Variants in KIF9 observed in about 807,000 individuals in gnomAD.
KIF9 encodes kinesin-like protein KIF9.
KIF9 carries 68 observed loss-of-function variants against 94.8 expected under a neutral mutation model. The observed-to-expected ratio is 0.72, with a 90% CI of 0.59 to 0.88. The LOEUF (loss-of-function observed/expected upper bound fraction) is 0.88, where lower values mean the gene tolerates loss of function less well. Ranked by LOEUF, KIF9 falls within the 40% of genes least tolerant of loss-of-function variation. The pLI is 0.00. For missense variants in KIF9, 882 were observed against 982.5 expected, an observed-to-expected ratio of 0.90 and a Z score of 1.37; for synonymous variants, 343 against 362.1, an observed-to-expected ratio of 0.95 and a Z score of 0.60.
At chr3:47,236,185 C>T (rs141894213) in intron 18 of KIF9, 36 bp from the exon 19 acceptor site, 449 of 1,466,714 alleles carry the variant, frequency 3.1e-4, no homozygotes, top group Non-Finnish European at 3.9e-4. Context: ...TTGAGGAAGC[C>T]GGTAAGGGCT....
At chr3:47,235,159 C>T (rs1171282931) in intron 20 of KIF9, among the ~76,000 whole-genome samples, 2 of 152,212 alleles carry the variant, frequency 1.3e-5, no homozygotes, top group Non-Finnish European at 2.9e-5. Context: ...TCTAGCTATG[C>T]CTCAGCTGCA....
At chr3:47,263,521 A>G in intron 9 of KIF9, 1 of 198,396 alleles carries the variant, frequency 5.0e-6, no homozygotes, top group Non-Finnish European at 1.0e-5. Context: ...CTTCTTGCTG[A>G]GAGCCCCCAC....
At chr3:47,246,117 C>G (rs1559434688) in intron 13 of KIF9, 80 bp downstream of exon 13, 4 of 1,313,946 alleles carry the variant, frequency 3.0e-6, no homozygotes, top group African/African-American at 1.4e-5. Flanking sequence ...AAGAGGAGCT[C>G]TTGGAGGCAA....
chr3:47,282,142 G>GT, intron 1 of KIF9: 1 of 970,686 alleles, frequency 1.0e-6, no homozygotes, highest in Non-Finnish European at 1.2e-6. Context: ...TTCCTCACCT[G>GT]TAACACGAAG....
chr3:47,256,458 G>A (rs1296365451), intron 10 of KIF9, among the ~76,000 whole-genome samples: 5 of 151,766 alleles, frequency 3.3e-5, no homozygotes, highest in South Asian at 2.1e-4. Flanking sequence ...CAGCCACCCC[G>A]TCCGGGAGGG....
At chr3:47,275,622 G>A (rs140207453) in intron 2 of KIF9, 132 bp from the exon 3 acceptor site, 158 of 659,246 alleles carry the variant, frequency 2.4e-4, no homozygotes, top group African/African-American at 1.4e-3. Flanking sequence ...GGACTCCCAC[G>A]TAGGGGCTGA....
chr3:47,265,259 T>C (rs1352988283), intron 8 of KIF9, among the ~76,000 whole-genome samples: 1 of 152,144 alleles, frequency 6.6e-6, no homozygotes, highest in African/African-American at 2.4e-5. Context: ...AGGTATGAGT[T>C]GGAGCTTTGC....
intron 5 of KIF9, among the ~76,000 whole-genome samples, chr3:47,270,419 T>C (rs1477851655): frequency 6.6e-6 from 1 of 151,102 alleles, no homozygotes; most frequent in Non-Finnish European, 1.5e-5. Flanking sequence ...ACACCCAGCT[T>C]ATTTTTTGTA....
At chr3:47,261,662 AGCCACT>A (rs1388450125) in intron 9 of KIF9, among the ~76,000 whole-genome samples, 2 of 152,220 alleles carry the variant, frequency 1.3e-5, no homozygotes, top group Non-Finnish European at 2.9e-5. Context: ...CTCAGAGCTC[AGCCACT>A]GACCCCCTGC....
Position 47,245,429 on chromosome 3 carries a change from T to C in KIF9, c.1372A>G (p.Ile458Val), listed in dbSNP as rs760631618. ...DRNDFAAISA[I>V]QKAGLVDVDG... is the part of the protein sequence containing the mutation. ...GTAGCAACTATGCTTACCTTCTGGATAGCAGAAATGGCTGCAAAGTCATTC... is the reference window on the plus strand; with the variant it reads ...GTAGCAACTATGCTTACCTTCTGGACAGCAGAAATGGCTGCAAAGTCATTC... The change falls in exon 14 of 21, where the codon ATC becomes GTC. Residue 458 changes from isoleucine to valine, a missense_variant. Transcript: ENST00000684063. 3 of 1,613,466 alleles carry C rather than the reference T, an allele frequency of 1.9e-6. No homozygotes were observed. The highest frequency in any genetic ancestry group is 4.5e-5 in the East Asian group (2 of 44,872).
At chr3:47,245,538 T>C (rs1699866140) in intron 13 of KIF9, 27 bp from the exon 14 acceptor site, 1 of 1,562,262 alleles carries the variant, frequency 6.4e-7, no homozygotes, top group East Asian at 2.2e-5. Flanking sequence ...AGAGAACAGC[T>C]TGTACCTGGG....
rs1190662033 is a variant in KIF9, at chr3:47,252,751, ATGCT to A, written c.1060-4669_1060-4666del. ...ATAAGAAGGCCAAGCATGTTGGCTC[ATGCT>A]TGCAATCCCAGCCCTTTGGGAGGCT... is the stretch of plus-strand genomic sequence containing the variant. On this transcript the variant is annotated intron_variant, in intron 10 of 20. Transcript: ENST00000684063. Among the ~76,000 whole-genome samples the A allele has an allele frequency of 2.0e-5, 3 of 152,222 alleles. No homozygotes were observed. In the East Asian group the frequency reaches 5.8e-4, roughly 29 times the overall value.
chr3:47,264,481 G>A, intron 8 of KIF9, 131 bp from the exon 9 acceptor site: 1 of 673,080 alleles, frequency 1.5e-6, no homozygotes, highest in South Asian at 1.6e-5. Context: ...ATGTCACCCA[G>A]GCTGTAGTGC....
intron 17 of KIF9, chr3:47,239,786 TGTGA>T: frequency 1.5e-6 from 2 of 1,364,502 alleles, no homozygotes; most frequent in South Asian, 1.1e-5. Context: ...ATGCACCCCC[TGTGA>T]GTGAGATGAT....
chr3:47,250,742 G>A (rs560846852), intron 10 of KIF9: 1 of 217,236 alleles, frequency 4.6e-6, no homozygotes, highest in East Asian at 1.3e-4. Context: ...CCCTCGCTGT[G>A]AACAATAGGA....
intron 4 of KIF9, among the ~76,000 whole-genome samples, chr3:47,272,540 G>A (rs1701712146): frequency 6.6e-6 from 1 of 152,042 alleles, no homozygotes; most frequent in East Asian, 1.9e-4. Flanking sequence ...ACTGAAATGT[G>A]CCCCAAGTAT....
At chr3:47,256,116 C>A (rs1427906869) in intron 10 of KIF9, among the ~76,000 whole-genome samples, 1 of 152,248 alleles carries the variant, frequency 6.6e-6, no homozygotes, top group Non-Finnish European at 1.5e-5. Context: ...GCTACAACTT[C>A]CACCTCCCAG....
chr3:47,248,121 G>A, intron 10 of KIF9, 35 bp from the exon 11 acceptor site: 1 of 1,520,894 alleles, frequency 6.6e-7, no homozygotes, highest in Non-Finnish European at 9.1e-7. Flanking sequence ...GGGCCGACAG[G>A]AAGGATCATC....
chr3:47,275,363 G>A lies in KIF9; in HGVS notation c.221C>T (p.Ala74Val), dbSNP rs370719237. 17 of 1,613,540 alleles carry A rather than the reference G, an allele frequency of 1.1e-5. No homozygotes were observed. The highest frequency in any genetic ancestry group is 1.4e-5 in the Non-Finnish European group (16 of 1,179,864). Reference sequence around the variant, plus strand: ...GAGGGCCTGAGAAACCACATCCTTTGCAACTGTCTCATAAACCAAGTCCTG... The same window carrying A: ...GAGGGCCTGAGAAACCACATCCTTTACAACTGTCTCATAAACCAAGTCCTG... ...ASQDLVYETV[A>V]KDVVSQALDG... Residue 74 changes from alanine (A) to valine (V), a missense_variant, in exon 3 of 21, where the codon GCA (alanine) becomes GTA (valine). Transcript: ENST00000684063.
Sources: allele counts gnomAD v4.1 joint callset (sites outside exome capture counted in the v4.1 genomes callset), GRCh38; gene constraint gnomAD v4.1.1; transcripts MANE v1.5; gene names NCBI Gene and HGNC (gene_info 2026-07-23, HGNC 2026-07-21).